Variants in PICALM observed in about 807,000 individuals in gnomAD.
The protein encoded by PICALM is phosphatidylinositol-binding clathrin assembly protein.
Under a neutral mutation model 80.5 loss-of-function variants are expected in PICALM, and 40 were observed. The observed-to-expected ratio is 0.50, with a 90% confidence interval of 0.39 to 0.65. PICALM has a LOEUF of 0.65. Among genes scored for constraint, PICALM ranks in the 30% least tolerant of loss-of-function variants. PICALM has a pLI of 0.00. For synonymous variants in PICALM, 288 were observed against 260.3 expected, an observed-to-expected ratio of 1.11 and a Z score of -1.02; for missense variants, 676 against 778.9, an observed-to-expected ratio of 0.87 and a Z score of 1.57.
At position 86,065,492 on chromosome 11, in the gene PICALM, T is replaced by C. The variant is rs148762843; in HGVS notation, c.130+3159A>G. Among the ~76,000 whole-genome samples the C allele has an allele frequency of 2.6e-5, 4 of 152,330 alleles. No homozygotes were observed. The East Asian group carries it at 7.7e-4, about 29-fold the overall frequency. ...TATCCTGCAATAATTATGGTTCTTT[T>C]AAGCATTCTGTACTGCTAAATGGAA... On this transcript the variant is annotated intron_variant, in intron 1 of 19. Transcript: ENST00000393346.
In PICALM at chr11:85,976,642, C is replaced by A. The variant is rs2094292107; in HGVS notation, c.1820G>T (p.Gly607Val). Residue 607 changes from glycine to valine, a missense_variant, in exon 18 of 20, where the codon GGC becomes GTC. By Grantham distance (109) the Gly-to-Val change is moderately radical. Transcript: ENST00000393346. ...ACTTACAATTCCATATCCTATCATG[C>A]CTGTTGGTGTAGTAGCAGGATAGGC... ...VMAYPATTPT[G>V]MIGYGIPPQM... is the part of the protein sequence containing the mutation. The A allele has an allele frequency of 6.2e-7, 1 of 1,601,606 alleles. No homozygotes were observed. Among genetic ancestry groups the A allele is most frequent in the African/African-American group, 1.3e-5 (1 of 74,544 alleles).
intron 1 of PICALM, among the ~76,000 whole-genome samples, chr11:86,046,511 T>C (rs778308554): frequency 7.2e-5 from 11 of 152,228 alleles, no homozygotes; most frequent in Non-Finnish European, 1.0e-4. Context: ...CTTACCATCA[T>C]TTTGTATTGA....
At position 86,068,717 on chromosome 11, in the gene PICALM, C is replaced by T. The variant is rs1442635537; in HGVS notation, c.64G>A (p.Val22Ile). ...AAQHSVTGSA[V>I]SKTVCKATTH... ...GTGGCCTTGCATACTGTCTTGGATACGGCAGAGCCGGTGACACTGTGCTGG... is the reference window on the plus strand; with the variant it reads ...GTGGCCTTGCATACTGTCTTGGATATGGCAGAGCCGGTGACACTGTGCTGG... The change falls in exon 1 of 20, where the codon GTA becomes ATA. Residue 22 changes from valine to isoleucine, a missense_variant. Coordinates refer to ENST00000393346, the MANE Select transcript of PICALM (RefSeq NM_007166.4). 1.9e-6 allele frequency: 3 copies of T among 1,612,956 alleles called. No individual in the cohort carries two copies. Among genetic ancestry groups the T allele is most frequent in the Non-Finnish European group, 2.5e-6 (3 of 1,179,782 alleles).
At chr11:85,989,503 C>T (rs1291090853) in intron 13 of PICALM, among the ~76,000 whole-genome samples, 1 of 152,108 alleles carries the variant, frequency 6.6e-6, no homozygotes, top group Non-Finnish European at 1.5e-5. Context: ...GAAATTTCAT[C>T]ATCTTTGGGG....
intron 2 of PICALM, among the ~76,000 whole-genome samples, chr11:86,028,678 C>G (rs961363039): frequency 1.3e-5 from 2 of 152,086 alleles, no homozygotes; most frequent in Non-Finnish European, 2.9e-5. Context: ...ATAAAAGTAC[C>G]TACCTGCCTC....
chr11:86,021,178 T>A (rs1405367637), intron 4 of PICALM, among the ~76,000 whole-genome samples: 1 of 152,066 alleles, frequency 6.6e-6, no homozygotes, highest in Non-Finnish European at 1.5e-5. Flanking sequence ...TGAGAACTCA[T>A]TTGTATGAAA....
At chr11:86,053,245 C>T (rs898880625) in intron 1 of PICALM, among the ~76,000 whole-genome samples, 1 of 152,190 alleles carries the variant, frequency 6.6e-6, no homozygotes, top group Non-Finnish European at 1.5e-5. Context: ...CAACCTAACT[C>T]GAGTATATTC....
intron 4 of PICALM, among the ~76,000 whole-genome samples, chr11:86,015,463 A>C (rs1341255979): frequency 6.6e-6 from 1 of 152,222 alleles, no homozygotes; most frequent in Non-Finnish European, 1.5e-5. Flanking sequence ...TTAATTCAGA[A>C]ATTATAACTA....
intron 19 of PICALM, among the ~76,000 whole-genome samples, chr11:85,965,815 G>GTTTTTTTTTT (rs914561533): frequency 7.4e-5 from 8 of 108,154 alleles, no homozygotes; most frequent in South Asian, 3.3e-4. Context: ...TTGTTTTTTT[G>GTTTTTTTTTT]TTTTTTTTTT....
chr11:85,964,801 C>G (rs1427292588), intron 19 of PICALM, among the ~76,000 whole-genome samples: 2 of 152,190 alleles, frequency 1.3e-5, no homozygotes, highest in East Asian at 3.8e-4. Flanking sequence ...CTTTGTTCAG[C>G]AACTAGCAGT....
At chr11:86,033,912 T>C (rs1240697727) in intron 1 of PICALM, among the ~76,000 whole-genome samples, 3 of 152,178 alleles carry the variant, frequency 2.0e-5, no homozygotes, top group Admixed American at 2.0e-4. Flanking sequence ...CTTACAACTA[T>C]CTGTACAACC....
chr11:86,019,928 GA>G (rs1259335731), intron 4 of PICALM, among the ~76,000 whole-genome samples: 1 of 152,176 alleles, frequency 6.6e-6, no homozygotes, highest in African/African-American at 2.4e-5. Context: ...GCATTCACCA[GA>G]CTATTTCTGT....
At chr11:86,032,011 CTTAT>C (rs1211861192) in intron 1 of PICALM, among the ~76,000 whole-genome samples, 2 of 152,148 alleles carry the variant, frequency 1.3e-5, no homozygotes, top group East Asian at 3.9e-4. Context: ...TTAAATAAAG[CTTAT>C]TTAAAGAAAT....
Position 86,022,456 on chromosome 11 carries a change from A to G in PICALM, c.363T>C (p.Ser121=). Residue 121 remains serine (S), a synonymous_variant, in exon 4 of 20, where the codon TCT becomes TCC. Transcript: ENST00000393346. The part of the protein sequence containing the change: ...DKSGLQGYDM[S]TFIRRYSRYL... ...ATCTACTATACCGCCTAATAAATGTAGACATGTCATATCCTGTAAAAAAAC... is the reference window on the plus strand; with the variant it reads ...ATCTACTATACCGCCTAATAAATGTGGACATGTCATATCCTGTAAAAAAAC... 6.5e-7 allele frequency: 1 copy of G among 1,542,682 alleles called. No homozygotes were observed. Among genetic ancestry groups the G allele is most frequent in the Non-Finnish European group, 8.8e-7 (1 of 1,136,852 alleles).
At chr11:85,981,635 A>G (rs1439409059) in intron 16 of PICALM, 110 bp downstream of exon 16, 10 of 749,352 alleles carry the variant, frequency 1.3e-5, no homozygotes, top group South Asian at 5.0e-5. Flanking sequence ...TGCAGACTTG[A>G]TATCTCTACA....
intron 8 of PICALM, among the ~76,000 whole-genome samples, chr11:86,004,608 T>C (rs1035057153): frequency 2.6e-5 from 4 of 152,182 alleles, no homozygotes; most frequent in Non-Finnish European, 5.9e-5. Flanking sequence ...ACCTTTTCAG[T>C]GTGCAGACTA....
intron 17 of PICALM, among the ~76,000 whole-genome samples, chr11:85,980,786 A>G (rs1170239495): frequency 6.6e-6 from 1 of 152,232 alleles, no homozygotes; most frequent in African/African-American, 2.4e-5. Context: ...AGATCTCTGT[A>G]ATCCTGAGCA....
intron 13 of PICALM, among the ~76,000 whole-genome samples, chr11:85,988,800 C>CTAA (rs1164990879): frequency 1.3e-5 from 2 of 152,160 alleles, no homozygotes; most frequent in Non-Finnish European, 2.9e-5. Context: ...AAAAAAAGAA[C>CTAA]TTAAGGCTCC....
At chr11:85,992,953 G>A (rs12794211) in intron 12 of PICALM, among the ~76,000 whole-genome samples, 15,074 of 152,008 alleles carry the variant, frequency 0.099, 915 homozygotes, top group Admixed American at 0.15. Flanking sequence ...AAACACTACA[G>A]GTAATCTACA....
Sources: gnomAD v4.1 joint callset for allele counts (sites outside exome capture counted in the v4.1 genomes callset) on GRCh38, gnomAD v4.1.1 for gene constraint, MANE v1.5 for transcripts, NCBI Gene and HGNC (gene_info 2026-07-23, HGNC 2026-07-21) for gene names.